The following ITSN1 variants were observed in gnomAD, a reference collection of about 807,000 sequenced individuals.
The protein encoded by ITSN1 is intersectin 1.
In ITSN1, 58 loss-of-function variants were observed where a neutral mutation model predicts 239.8. That is an observed-to-expected ratio of 0.24 (90% CI 0.20 to 0.30). ITSN1 has a LOEUF of 0.30. Ranked by LOEUF, ITSN1 falls within the 10% of genes least tolerant of loss-of-function variation. The probability of loss-of-function intolerance (pLI) is 1.00; values close to 1 mark genes in which losing one functional copy is unlikely to be tolerated. For missense variants in ITSN1, 1,558 were observed against 2,103.3 expected, an observed-to-expected ratio of 0.74 and a Z score of 5.07; for synonymous variants, 780 against 770.8, an observed-to-expected ratio of 1.01 and a Z score of -0.20.
intron 1 of ITSN1, among the ~76,000 whole-genome samples, chr21:33,708,319 A>G (rs2092312507): frequency 6.6e-6 from 1 of 152,088 alleles, no homozygotes. Context: ...TTGTTTTCAT[A>G]AGGGTTATCT....
intron 31 of ITSN1, among the ~76,000 whole-genome samples, chr21:33,864,198 G>T (rs1258233312): frequency 1.3e-5 from 2 of 152,086 alleles, no homozygotes; most frequent in African/African-American, 4.8e-5. Flanking sequence ...CATTCAATAG[G>T]GACATCCTCC....
At chr21:33,853,600 G>A (rs1480023598) in intron 29 of ITSN1, among the ~76,000 whole-genome samples, 5 of 152,108 alleles carry the variant, frequency 3.3e-5, no homozygotes, top group African/African-American at 1.2e-4. Context: ...ATCATTCTAC[G>A]CGTGTCTGCT....
At position 33,889,008 on chromosome 21, in the gene ITSN1, C is replaced by T. The variant is rs1319795477; in HGVS notation, c.*708C>T. Reference sequence around the variant, plus strand: ...GTTGCGTGGATTCAGTTCTGATTCCCAGCATGCTTAGAATATGGTCACAGA... The same window carrying T: ...GTTGCGTGGATTCAGTTCTGATTCCTAGCATGCTTAGAATATGGTCACAGA... On this transcript the variant is annotated 3_prime_UTR_variant, in exon 40 of 40. Coordinates refer to ENST00000381318, the MANE Select transcript of ITSN1 (RefSeq NM_003024.3). 6.6e-6 allele frequency: 1 copy of T among 152,096 alleles called. No homozygotes were observed. The highest frequency in any genetic ancestry group is 2.4e-5 in the African/African-American group (1 of 41,384). 9.4% of individuals were successfully genotyped at this position (152,096 alleles called of 1,614,324 possible).
Position 33,834,327 on chromosome 21 carries a change from G to C in ITSN1, c.3372G>C (p.Gln1124His). ...GELQARGKKRQIGWFPANYVK... is the reference protein window; with the variant it reads ...GELQARGKKRHIGWFPANYVK... ...ACTAGGCACGTGGGAAAAAGCGCCA[G>C]ATAGGCTGGTTCCCAGCTAATTATG... is the stretch of plus-strand genomic sequence containing the variant. Residue 1124 changes from glutamine to histidine, a missense_variant, in exon 28 of 40, where the codon CAG becomes CAC. This residue lies in a region of ITSN1 where 576 missense variants were observed against 893.3 expected (regional missense o/e 0.64). Transcript: ENST00000381318. The C allele has an allele frequency of 6.2e-7, 1 of 1,614,002 alleles. No homozygotes were observed. Among genetic ancestry groups the C allele is most frequent in the Non-Finnish European group, 8.5e-7 (1 of 1,179,894 alleles).
At chr21:33,811,798 A>T (rs1412095171) in intron 21 of ITSN1, among the ~76,000 whole-genome samples, 1 of 152,236 alleles carries the variant, frequency 6.6e-6, no homozygotes, top group African/African-American at 2.4e-5. Flanking sequence ...CAGAGGTTTG[A>T]AATGATAGAT....
intron 31 of ITSN1, 69 bp downstream of exon 31, chr21:33,858,861 G>T: frequency 1.2e-6 from 1 of 827,732 alleles, no homozygotes; most frequent in Non-Finnish European, 2.0e-6. Context: ...ACCTCTGTGG[G>T]TCTGTGTGTC....
At chr21:33,662,263 G>A (rs913685724) in intron 1 of ITSN1, among the ~76,000 whole-genome samples, 2 of 152,098 alleles carry the variant, frequency 1.3e-5, no homozygotes, top group African/African-American at 4.8e-5. Context: ...GCAGCTATGA[G>A]TCATTTTCCC....
At chr21:33,782,520 A>T (rs2147899156) in intron 16 of ITSN1, among the ~76,000 whole-genome samples, 2 of 152,218 alleles carry the variant, frequency 1.3e-5, no homozygotes, top group Middle Eastern at 3.4e-3. Flanking sequence ...TTAAATGTAG[A>T]TCTTTATTTT....
intron 1 of ITSN1, among the ~76,000 whole-genome samples, chr21:33,669,226 G>T (rs1384874269): frequency 1.3e-5 from 2 of 151,948 alleles, no homozygotes; most frequent in Admixed American, 1.3e-4. Flanking sequence ...GGGATTACAG[G>T]TGTGCGCCAC....
At chr21:33,657,374 G>A (rs2089181366) in intron 1 of ITSN1, among the ~76,000 whole-genome samples, 1 of 152,080 alleles carries the variant, frequency 6.6e-6, no homozygotes, top group South Asian at 2.1e-4. Context: ...CTCAGCATGG[G>A]TCATTTCAGC....
At chr21:33,647,019 C>G (rs538733019) in intron 1 of ITSN1, among the ~76,000 whole-genome samples, 3 of 151,548 alleles carry the variant, frequency 2.0e-5, no homozygotes, top group Non-Finnish European at 4.4e-5. Flanking sequence ...TTATTGCTAA[C>G]TCCTTGGTAC....
chr21:33,791,232 C>T (rs549300830), intron 16 of ITSN1, among the ~76,000 whole-genome samples: 1 of 152,202 alleles, frequency 6.6e-6, no homozygotes, highest in East Asian at 1.9e-4. Flanking sequence ...GATTTCCTTA[C>T]AACTGTGTAT....
chr21:33,716,048 G>A (rs1179619215), intron 1 of ITSN1, among the ~76,000 whole-genome samples: 1 of 152,188 alleles, frequency 6.6e-6, no homozygotes, highest in Non-Finnish European at 1.5e-5. Context: ...GGAGGGAGTA[G>A]TAACTGAGTT....
At position 33,883,586 on chromosome 21, in the gene ITSN1, ACC is replaced by A. The variant is rs2148560541; in HGVS notation, c.4592_4593del (p.Thr1531ArgfsTer15). On this transcript the variant is annotated frameshift_variant, in exon 36 of 40. Transcript: ENST00000381318. LOFTEE classifies it high-confidence loss of function. The stretch of plus-strand genomic sequence containing the variant: ...AAATGAGGTTCTAGTAAAATTACCC[ACC>A]GACCCTTCTGGAGACGAGCCCATCT... ...FLNEVLVKLP[T>X]DPSGDEPIFH... 6.2e-7 allele frequency: 1 copy of A among 1,613,740 alleles called. No homozygotes were observed. Among genetic ancestry groups the A allele is most frequent in the Non-Finnish European group, 8.5e-7 (1 of 1,179,776 alleles).
At chr21:33,676,240 C>T (rs1008634887) in intron 1 of ITSN1, among the ~76,000 whole-genome samples, 1 of 152,118 alleles carries the variant, frequency 6.6e-6, no homozygotes, top group African/African-American at 2.4e-5. Flanking sequence ...GCTTCGGCCT[C>T]CCAGAGTGCT....
chr21:33,778,154 T>G (rs920450894), intron 14 of ITSN1, among the ~76,000 whole-genome samples: 8 of 152,368 alleles, frequency 5.3e-5, no homozygotes, highest in African/African-American at 1.7e-4. Context: ...TACCCTTTAT[T>G]AAAATATTTC....
At chr21:33,778,944 T>A (rs912751567) in intron 14 of ITSN1, among the ~76,000 whole-genome samples, 4 of 152,172 alleles carry the variant, frequency 2.6e-5, no homozygotes, top group African/African-American at 9.7e-5. Flanking sequence ...TCTTTACTGA[T>A]ATTGGTAATT....
At chr21:33,768,600 C>T (rs1288831165) in intron 11 of ITSN1, among the ~76,000 whole-genome samples, 1 of 152,034 alleles carries the variant, frequency 6.6e-6, no homozygotes, top group East Asian at 1.9e-4. Context: ...TTAAATAATA[C>T]TCATTTACAA....
At chr21:33,833,899 A>G (rs377582237) in intron 27 of ITSN1, among the ~76,000 whole-genome samples, 2 of 151,120 alleles carry the variant, frequency 1.3e-5, no homozygotes, top group East Asian at 1.9e-4. Context: ...AGAAGTACTC[A>G]GTGTGTATTG....
Sources: gnomAD v4.1 joint callset for allele counts (sites outside exome capture counted in the v4.1 genomes callset) on GRCh38, gnomAD v4.1.1 for gene constraint, gnomAD v4.1.1 regional missense constraint, MANE v1.5 for transcripts, NCBI Gene and HGNC (gene_info 2026-07-23, HGNC 2026-07-21) for gene names.